The following CCSER1 variants were observed in gnomAD, a reference collection of about 807,000 sequenced individuals.
CCSER1 encodes the protein serine-rich coiled-coil domain-containing protein 1.
In CCSER1, 41 loss-of-function variants were observed where a neutral mutation model predicts 82.0. The observed-to-expected ratio is 0.50, with a 90% CI of 0.39 to 0.65. The LOEUF is 0.65. CCSER1 is among the 30% of genes least tolerant of loss of function. The pLI is 0.00. For missense variants in CCSER1, 1,119 were observed against 1,064.2 expected (o/e 1.05, Z -0.72); for synonymous variants, 414 against 383.9 (o/e 1.08, Z -0.92).
chr4:91,402,798 C>A (rs571131692), intron 10 of CCSER1, among the ~76,000 whole-genome samples: 2 of 152,234 alleles, frequency 1.3e-5, no homozygotes, highest in African/African-American at 4.8e-5. Flanking sequence ...GTTACTGTAG[C>A]CTTGTAGTAT....
chr4:90,315,815 CTTAA>C (rs1332258685), intron 3 of CCSER1, among the ~76,000 whole-genome samples: 1 of 152,086 alleles, frequency 6.6e-6, no homozygotes, highest in Non-Finnish European at 1.5e-5. Context: ...TTACTTCACA[CTTAA>C]TTAATTAATT....
intron 10 of CCSER1, among the ~76,000 whole-genome samples, chr4:91,153,135 T>G (rs2148958069): frequency 6.6e-6 from 1 of 152,170 alleles, no homozygotes; most frequent in South Asian, 2.1e-4. Context: ...TCCCCATCAC[T>G]TTCAGATATA....
intron 10 of CCSER1, among the ~76,000 whole-genome samples, chr4:91,489,278 G>A (rs1758383861): frequency 6.6e-6 from 1 of 152,148 alleles, no homozygotes; most frequent in Admixed American, 6.5e-5. Context: ...AAGAGCAGCA[G>A]ATTATGCCAA....
At chr4:90,794,086 C>A (rs1053699361) in intron 7 of CCSER1, among the ~76,000 whole-genome samples, 1 of 152,112 alleles carries the variant, frequency 6.6e-6, no homozygotes, top group Admixed American at 6.5e-5. Flanking sequence ...GCATAGTTTG[C>A]AAAAATATTC....
chr4:90,519,943 A>G (rs1477800374), intron 5 of CCSER1, among the ~76,000 whole-genome samples: 1 of 152,104 alleles, frequency 6.6e-6, no homozygotes, highest in Non-Finnish European at 1.5e-5. Flanking sequence ...TGATTGGTTT[A>G]AAAATGTGTA....
intron 1 of CCSER1, among the ~76,000 whole-genome samples, chr4:90,212,419 T>G (rs544862837): frequency 6.6e-6 from 1 of 152,340 alleles, no homozygotes; most frequent in South Asian, 2.1e-4. Context: ...GGACTTTACT[T>G]TCTCTGTTTT....
intron 4 of CCSER1, among the ~76,000 whole-genome samples, chr4:90,447,768 A>G (rs1226720491): frequency 2.6e-5 from 4 of 152,208 alleles, no homozygotes; most frequent in African/African-American, 7.2e-5. Context: ...TTAATGGATC[A>G]TAACAGCTGA....
chr4:90,553,423 AAGC>A (rs1343231835), intron 5 of CCSER1, among the ~76,000 whole-genome samples: 1 of 152,220 alleles, frequency 6.6e-6, no homozygotes, highest in African/African-American at 2.4e-5. Context: ...AAAGAAGTAA[AAGC>A]AGAAAAACTG....
chr4:91,041,891 ATTGT>A (rs1275036417), intron 9 of CCSER1, among the ~76,000 whole-genome samples: 2 of 152,188 alleles, frequency 1.3e-5, no homozygotes, highest in Admixed American at 1.3e-4. Flanking sequence ...ATGCGCAGAC[ATTGT>A]TTGACTGATC....
At chr4:91,170,800 A>G (rs1732668481) in intron 10 of CCSER1, among the ~76,000 whole-genome samples, 1 of 152,228 alleles carries the variant, frequency 6.6e-6, no homozygotes. Flanking sequence ...CCAACCAGCA[A>G]GGAACCCACC....
At chr4:91,315,472 A>C (rs1745769945) in intron 10 of CCSER1, among the ~76,000 whole-genome samples, 1 of 152,010 alleles carries the variant, frequency 6.6e-6, no homozygotes, top group African/African-American at 2.4e-5. Context: ...TGAATGAATA[A>C]GTTATAAAAT....
chr4:90,585,602 A>C (rs1034574370), intron 5 of CCSER1, among the ~76,000 whole-genome samples: 1 of 152,194 alleles, frequency 6.6e-6, no homozygotes, highest in Non-Finnish European at 1.5e-5. Context: ...AATTTGTGAA[A>C]GTATCTTTAA....
At chr4:90,231,802 A>G (rs888131353) in intron 1 of CCSER1, among the ~76,000 whole-genome samples, 2 of 151,756 alleles carry the variant, frequency 1.3e-5, no homozygotes, top group Non-Finnish European at 2.9e-5. Context: ...ATGTACAAAA[A>G]TCACAAGCAT....
intron 10 of CCSER1, among the ~76,000 whole-genome samples, chr4:91,205,011 A>C (rs1043114511): frequency 6.6e-6 from 1 of 151,672 alleles, no homozygotes; most frequent in African/African-American, 2.4e-5. Context: ...AACTCATTAA[A>C]TTTTCCACAC....
chr4:90,378,157 G>C (rs1374034099), intron 3 of CCSER1, among the ~76,000 whole-genome samples: 13 of 152,236 alleles, frequency 8.5e-5, no homozygotes, highest in Non-Finnish European at 1.5e-5. Context: ...TCCTAGGTCT[G>C]CTATCACTGA....
At chr4:90,473,167 G>T (rs1764627320) in intron 5 of CCSER1, among the ~76,000 whole-genome samples, 1 of 152,102 alleles carries the variant, frequency 6.6e-6, no homozygotes, top group Non-Finnish European at 1.5e-5. Context: ...ACTCTGAAGA[G>T]AATGAAAGAA....
At chr4:91,536,811 C>A (rs1761320931) in intron 10 of CCSER1, among the ~76,000 whole-genome samples, 1 of 152,002 alleles carries the variant, frequency 6.6e-6, no homozygotes, top group African/African-American at 2.4e-5. Context: ...TTATAGTTCC[C>A]TATGTTTTTT....
At chr4:91,029,184 A>G (rs1037255831) in intron 9 of CCSER1, among the ~76,000 whole-genome samples, 1 of 151,990 alleles carries the variant, frequency 6.6e-6, no homozygotes, top group Non-Finnish European at 1.5e-5. Flanking sequence ...CTCATTAAAT[A>G]GATTCATATT....
At chr4:90,915,711 G>C (rs1727267378) in intron 8 of CCSER1, among the ~76,000 whole-genome samples, 1 of 112,878 alleles carries the variant, frequency 8.9e-6, no homozygotes, top group Admixed American at 9.1e-5. Context: ...ATTAGGAAAG[G>C]AGGAAGTCAT....
Sources: allele counts gnomAD v4.1 joint callset (sites outside exome capture counted in the v4.1 genomes callset), GRCh38; gene constraint gnomAD v4.1.1; transcripts MANE v1.5; gene names NCBI Gene and HGNC (gene_info 2026-07-23, HGNC 2026-07-21).